Variants in R3HDM2 observed in about 807,000 individuals in gnomAD.
R3HDM2 encodes the protein R3H domain containing 2.
R3HDM2 carries 38 observed loss-of-function variants against 124.5 expected under a neutral mutation model. That is an observed-to-expected ratio of 0.31 (90% CI 0.24 to 0.40). R3HDM2 has a LOEUF of 0.40. Ranked by LOEUF, R3HDM2 falls within the 10% of genes least tolerant of loss-of-function variation. The probability of loss-of-function intolerance (pLI) is 1.00; values close to 1 mark genes in which losing one functional copy is unlikely to be tolerated. For synonymous variants in R3HDM2, 391 were observed against 448.0 expected (o/e 0.87, Z 1.61); for missense variants, 869 against 1,236.9 (o/e 0.70, Z 4.46).
chr12:57,254,677 C>T lies in R3HDM2; in HGVS notation c.*96G>A. The T allele has an allele frequency of 8.9e-7, 1 of 1,128,046 alleles. No homozygotes were observed. 69.9% of individuals were successfully genotyped at this position (1,128,046 alleles called of 1,614,324 possible). On this transcript the variant is annotated 3_prime_UTR_variant, in exon 24 of 24. Coordinates refer to ENST00000402412, the MANE Select transcript of R3HDM2 (RefSeq NM_001394031.1). ...TAGGTTCCAGTTTAACATCAGTTTC[C>T]TTACTTCCTGCCTCTGTCCATGGTC...
At chr12:57,316,113 T>A (rs1348824101) in intron 2 of R3HDM2, among the ~76,000 whole-genome samples, 1 of 152,180 alleles carries the variant, frequency 6.6e-6, no homozygotes, top group Non-Finnish European at 1.5e-5. Context: ...ATTTAGTCAG[T>A]CATTCTACTG....
At chr12:57,282,680 A>T (rs1175591438) in intron 13 of R3HDM2, among the ~76,000 whole-genome samples, 2 of 152,140 alleles carry the variant, frequency 1.3e-5, no homozygotes, top group African/African-American at 2.4e-5. Flanking sequence ...AAAAAAAATC[A>T]TAAAAAGAGC....
chr12:57,387,966 A>ATT (rs56926878), intron 2 of R3HDM2, among the ~76,000 whole-genome samples: 95 of 150,910 alleles, frequency 6.3e-4, no homozygotes, highest in Non-Finnish European at 7.1e-4. Flanking sequence ...GACAAAAAAA[A>ATT]TTTTTTTTTT....
intron 2 of R3HDM2, among the ~76,000 whole-genome samples, chr12:57,378,938 T>C (rs1292020184): frequency 6.6e-6 from 1 of 152,206 alleles, no homozygotes; most frequent in Non-Finnish European, 1.5e-5. Context: ...TGGATAACCT[T>C]GACGACACGC....
At chr12:57,395,279 C>T (rs2067327957) in intron 2 of R3HDM2, among the ~76,000 whole-genome samples, 1 of 151,742 alleles carries the variant, frequency 6.6e-6, no homozygotes, top group African/African-American at 2.4e-5. Context: ...CTGAGGCGGC[C>T]AGGTCACCTA....
intron 2 of R3HDM2, among the ~76,000 whole-genome samples, chr12:57,331,355 A>C (rs2058163456): frequency 6.6e-6 from 1 of 152,270 alleles, no homozygotes; most frequent in Non-Finnish European, 1.5e-5. Context: ...CTTTGACCCT[A>C]TCTCTTACAA....
intron 2 of R3HDM2, among the ~76,000 whole-genome samples, chr12:57,374,428 G>A (rs531353676): frequency 2.0e-5 from 3 of 151,672 alleles, no homozygotes; most frequent in Admixed American, 6.6e-5. Flanking sequence ...GGTGGCTCAC[G>A]TCTGTAATCC....
At chr12:57,348,143 G>T (rs1017566493) in intron 2 of R3HDM2, among the ~76,000 whole-genome samples, 8 of 152,304 alleles carry the variant, frequency 5.3e-5, no homozygotes, top group Non-Finnish European at 1.2e-4. Context: ...ACAGAAATCA[G>T]CTTGGCACAG....
Position 57,254,600 on chromosome 12 carries a change from A to G in R3HDM2, c.*173T>C, listed in dbSNP as rs1264662413. On this transcript the variant is annotated 3_prime_UTR_variant, in exon 24 of 24. Coordinates refer to ENST00000402412, the MANE Select transcript of R3HDM2 (RefSeq NM_001394031.1). ...AGAGGACCCATGGCAGGGGAGCAAGAAGGAGTCCAATGCCAGTGTAGGTAT... is the reference window on the plus strand; with the variant it reads ...AGAGGACCCATGGCAGGGGAGCAAGGAGGAGTCCAATGCCAGTGTAGGTAT... 3.4e-6 allele frequency: 2 copies of G among 594,804 alleles called. No homozygotes were observed. Among genetic ancestry groups the G allele is most frequent in the South Asian group, 2.5e-5 (1 of 39,670 alleles). The allele number at this position is 594,804 out of a possible 1,614,324, so 36.8% of individuals were successfully genotyped here. A position where few individuals can be genotyped will look rare whatever the true frequency, so the allele number is the denominator to read the frequency against.
intron 2 of R3HDM2, among the ~76,000 whole-genome samples, chr12:57,320,959 G>C (rs2056352760): frequency 1.3e-5 from 2 of 152,132 alleles, no homozygotes; most frequent in Non-Finnish European, 2.9e-5. Flanking sequence ...TTCCTTGGAA[G>C]CTTTCCGGTC....
chr12:57,302,905 T>C (rs1274411214), intron 4 of R3HDM2, among the ~76,000 whole-genome samples: 1 of 152,188 alleles, frequency 6.6e-6, no homozygotes, highest in African/African-American at 2.4e-5. Context: ...TATCCAGTTC[T>C]TTCAGGCTCT....
intron 3 of R3HDM2, among the ~76,000 whole-genome samples, chr12:57,303,519 G>A (rs1303216082): frequency 3.3e-5 from 5 of 151,872 alleles, no homozygotes; most frequent in Admixed American, 2.0e-4. Flanking sequence ...CGAGGCAGGC[G>A]GATCCCTTGA....
chr12:57,403,345 A>T (rs1465143504), intron 1 of R3HDM2, among the ~76,000 whole-genome samples: 1 of 151,826 alleles, frequency 6.6e-6, no homozygotes, highest in African/African-American at 2.4e-5. Context: ...TACAAAAATT[A>T]GCTGGGCGTG....
chr12:57,386,131 G>C (rs925917587), intron 2 of R3HDM2, among the ~76,000 whole-genome samples: 8 of 147,846 alleles, frequency 5.4e-5, no homozygotes, highest in African/African-American at 2.5e-5. Context: ...CAATAGGTTT[G>C]AGAGGTGACA....
Position 57,370,402 on chromosome 12 carries a change from GGGGGGGGC to G in R3HDM2, c.-36+25339_-36+25346del, listed in dbSNP as rs2063186698. 3.8e-5 allele frequency among the ~76,000 whole-genome samples: 5 copies of G among 131,926 alleles called. 1 individual carries two copies. In the South Asian group the frequency reaches 1.1e-3, roughly 29 times the overall value. 86.5% of individuals were successfully genotyped at this position (131,926 alleles called of 152,430 possible). On this transcript the variant is annotated intron_variant, in intron 2 of 23. Transcript: ENST00000402412. ...TCACAGCACTTTGGGAGGCCCGGGG[GGGGGGGGC>G]GGGGTGGATCACCTGAGGTCGGGAG...
intron 2 of R3HDM2, among the ~76,000 whole-genome samples, chr12:57,356,672 A>G (rs927335341): frequency 3.3e-5 from 5 of 152,218 alleles, no homozygotes; most frequent in African/African-American, 1.2e-4. Flanking sequence ...TCTTGATAAG[A>G]CTTCAGCAGT....
At chr12:57,374,544 A>C (rs958823869) in intron 2 of R3HDM2, among the ~76,000 whole-genome samples, 2 of 151,130 alleles carry the variant, frequency 1.3e-5, no homozygotes, top group Non-Finnish European at 3.0e-5. Context: ...TTAGCCAGGC[A>C]TGGTGGCAGG....
At chr12:57,423,339 G>T (rs2070390417) in intron 1 of R3HDM2, among the ~76,000 whole-genome samples, 1 of 151,688 alleles carries the variant, frequency 6.6e-6, no homozygotes, top group Non-Finnish European at 1.5e-5. Context: ...TGGGAGACTT[G>T]CTTGAACCCA....
intron 4 of R3HDM2, 142 bp downstream of exon 4, chr12:57,303,034 C>T (rs1398756038): frequency 4.1e-5 from 30 of 730,042 alleles, no homozygotes; most frequent in Admixed American, 7.3e-5. Flanking sequence ...TGCACACTTA[C>T]GCAGGTTCAC....
Sources: allele counts gnomAD v4.1 joint callset (sites outside exome capture counted in the v4.1 genomes callset), GRCh38; gene constraint gnomAD v4.1.1; transcripts MANE v1.5; gene names NCBI Gene and HGNC (gene_info 2026-07-23, HGNC 2026-07-21).